Variants in ZFHX4 observed in about 807,000 individuals in gnomAD.
ZFHX4 encodes zinc finger homeobox protein 4.
A neutral mutation model predicts 267.6 loss-of-function variants in ZFHX4; 56 were observed. That is an observed-to-expected ratio of 0.21 (90% confidence interval 0.17 to 0.26). ZFHX4 has a LOEUF of 0.26. Among genes scored for constraint, ZFHX4 ranks in the 10% least tolerant of loss-of-function variants. The probability of loss-of-function intolerance (pLI) is 1.00; values close to 1 mark genes in which losing one functional copy is unlikely to be tolerated. For synonymous variants in ZFHX4, 1,778 were observed against 1,665.6 expected, an observed-to-expected ratio of 1.07 and a Z score of -1.64; for missense variants, 4,332 against 4,420.0, an observed-to-expected ratio of 0.98 and a Z score of 0.56.
intron 4 of ZFHX4, among the ~76,000 whole-genome samples, chr8:76,811,677 G>A (rs1585970101): frequency 6.6e-6 from 1 of 152,168 alleles, no homozygotes; most frequent in African/African-American, 2.4e-5. Context: ...GGTTTGGCAG[G>A]AAAGACACCA....
intron 4 of ZFHX4, among the ~76,000 whole-genome samples, chr8:76,823,570 G>A (rs539492286): frequency 6.6e-6 from 1 of 151,962 alleles, no homozygotes; most frequent in Non-Finnish European, 1.5e-5. Flanking sequence ...ACTTATGTTT[G>A]TATCAATCAC....
chr8:76,851,187 G>A lies in ZFHX4; in HGVS notation c.4266G>A (p.Arg1422=), dbSNP rs368170351. 1 of 1,613,718 alleles carries A rather than the reference G, an allele frequency of 6.2e-7. No individual in the cohort carries two copies. Among genetic ancestry groups the A allele is most frequent in the African/African-American group, 1.3e-5 (1 of 74,898 alleles). ...LQIHSQYHAI[R]AATMCNLCQR... ...TACATTCCCAGTATCATGCAATTCG[G>A]GCTGCGACAATGTGTAACCTCTGCC... Residue 1422 remains arginine, a synonymous_variant, in exon 10 of 11, where the codon CGG becomes CGA. Coordinates refer to ENST00000651372, the MANE Select transcript of ZFHX4 (RefSeq NM_024721.5).
chr8:76,783,959 G>T (rs1001247322), intron 4 of ZFHX4, among the ~76,000 whole-genome samples: 1 of 151,878 alleles, frequency 6.6e-6, no homozygotes, highest in Non-Finnish European at 1.5e-5. Flanking sequence ...ATTTCTTCTT[G>T]TCTGTGAAAA....
At chr8:76,716,334 T>G (rs1159017454) in intron 3 of ZFHX4, among the ~76,000 whole-genome samples, 4 of 152,204 alleles carry the variant, frequency 2.6e-5, no homozygotes, top group Non-Finnish European at 4.4e-5. Flanking sequence ...ATGGCATTAC[T>G]TTTTGGAGAG....
At chr8:76,849,246 T>C (rs1157943991) in intron 7 of ZFHX4, 118 bp downstream of exon 7, 2 of 1,207,540 alleles carry the variant, frequency 1.7e-6, no homozygotes, top group Non-Finnish European at 2.3e-6. Context: ...CAATTGGCAA[T>C]GTAACTCTTG....
In ZFHX4 at chr8:76,706,569, G is replaced by C. The variant is rs1808279832; in HGVS notation, c.2481G>C (p.Gln827His). The change falls in exon 2 of 11, where the codon CAG becomes CAC. Residue 827 changes from glutamine to histidine, a missense_variant. Physicochemically the swap from Gln to His is conservative, Grantham distance 24. Transcript: ENST00000651372. Reference sequence around the variant, plus strand: ...AGCTTTATCAGTACTACCTAGCCCAGAACATAGGCCTGACCGGAATGAAGC... The same window carrying C: ...AGCTTTATCAGTACTACCTAGCCCACAACATAGGCCTGACCGGAATGAAGC... ...EAELYQYYLA[Q>H]NIGLTGMKLE... The C allele has an allele frequency of 1.2e-6, 2 of 1,611,944 alleles. No individual in the cohort carries two copies. The highest frequency in any genetic ancestry group is 2.7e-5 in the African/African-American group (2 of 74,918).
chr8:76,719,716 A>C (rs1808669897), intron 3 of ZFHX4, among the ~76,000 whole-genome samples: 1 of 152,198 alleles, frequency 6.6e-6, no homozygotes, highest in African/African-American at 2.4e-5. Flanking sequence ...ATTTAGAGAC[A>C]TCCTTGAAAT....
At chr8:76,703,722 G>A (rs994794465) in intron 1 of ZFHX4, 15 of 194,528 alleles carry the variant, frequency 7.7e-5, no homozygotes, top group Middle Eastern at 4.4e-3. Flanking sequence ...TTTTAGAGTG[G>A]TCACGTATAT....
At chr8:76,796,187 A>G (rs1810975348) in intron 4 of ZFHX4, among the ~76,000 whole-genome samples, 1 of 150,930 alleles carries the variant, frequency 6.6e-6, no homozygotes, top group Non-Finnish European at 1.5e-5. Flanking sequence ...GGAAATAATG[A>G]AAATGATTTT....
chr8:76,770,803 C>T (rs1196717924), intron 3 of ZFHX4, among the ~76,000 whole-genome samples: 2 of 151,980 alleles, frequency 1.3e-5, no homozygotes, highest in African/African-American at 4.8e-5. Flanking sequence ...ATTGTCAAGG[C>T]TGAGGGAATT....
At position 76,805,998 on chromosome 8, in the gene ZFHX4, A is replaced by C. The variant is rs183337613; in HGVS notation, c.3326-27340A>C. 2.4e-4 allele frequency among the ~76,000 whole-genome samples: 36 copies of C among 152,256 alleles called. No individual in the cohort carries two copies. In the East Asian group the frequency reaches 6.5e-3, roughly 28 times the overall value. ...TGTAAAAAATACAATAATGATCCTG[A>C]AATAAACACTACAAAAGCAGATCAA... On this transcript the variant is annotated intron_variant, in intron 4 of 10. Transcript: ENST00000651372.
chr8:76,817,914 C>A (rs892873483), intron 4 of ZFHX4, among the ~76,000 whole-genome samples: 4 of 152,248 alleles, frequency 2.6e-5, no homozygotes, highest in African/African-American at 9.6e-5. Context: ...CTACTACTAC[C>A]ATTATTGGTT....
intron 3 of ZFHX4, among the ~76,000 whole-genome samples, chr8:76,732,912 G>A (rs1809060217): frequency 6.6e-6 from 1 of 152,092 alleles, no homozygotes; most frequent in African/African-American, 2.4e-5. Flanking sequence ...ACCCTGGCAT[G>A]CAAGCTGCTT....
chr8:76,861,763 C>CT (rs1294457542), intron 10 of ZFHX4, among the ~76,000 whole-genome samples: 1 of 150,512 alleles, frequency 6.6e-6, no homozygotes, highest in African/African-American at 2.4e-5. Context: ...TTTTCTGTCT[C>CT]TCCTTTTTTT....
chr8:76,795,118 T>G (rs1810943258), intron 4 of ZFHX4, among the ~76,000 whole-genome samples: 1 of 152,166 alleles, frequency 6.6e-6, no homozygotes, highest in East Asian at 1.9e-4. Context: ...CCTTCTTCAT[T>G]GTAATTACAT....
intron 8 of ZFHX4, chr8:76,849,948 A>G: frequency 1.7e-6 from 1 of 589,142 alleles, no homozygotes; most frequent in South Asian, 2.2e-5. Flanking sequence ...TTCTTTTTAT[A>G]TCTATAATGT....
chr8:76,703,239 C>A (rs1014726384), intron 1 of ZFHX4, among the ~76,000 whole-genome samples: 2 of 152,024 alleles, frequency 1.3e-5, no homozygotes, highest in African/African-American at 4.8e-5. Flanking sequence ...GGGCAACTCA[C>A]CAGGATTGGT....
At chr8:76,820,107 T>C (rs1811610110) in intron 4 of ZFHX4, among the ~76,000 whole-genome samples, 1 of 152,188 alleles carries the variant, frequency 6.6e-6, no homozygotes, top group Non-Finnish European at 1.5e-5. Context: ...TTGTTAAAAA[T>C]CCTCCAAAGG....
intron 5 of ZFHX4, among the ~76,000 whole-genome samples, chr8:76,839,124 T>C (rs1387104567): frequency 2.1e-5 from 3 of 146,276 alleles, no homozygotes; most frequent in African/African-American, 5.1e-5. Flanking sequence ...ATAAGTACAA[T>C]TGGGTGGTAC....
Sources: gnomAD v4.1 joint callset for allele counts (sites outside exome capture counted in the v4.1 genomes callset) on GRCh38, gnomAD v4.1.1 for gene constraint, MANE v1.5 for transcripts, NCBI Gene and HGNC (gene_info 2026-07-23, HGNC 2026-07-21) for gene names.